NDUFAF5: variants seen among roughly 807,000 people sequenced by gnomAD.
The protein encoded by NDUFAF5 is NADH:ubiquinone oxidoreductase complex assembly factor 5, also known as arginine-hydroxylase NDUFAF5, mitochondrial.
Under a neutral mutation model 48.9 loss-of-function variants are expected in NDUFAF5, and 34 were observed. That is an observed-to-expected ratio of 0.70 (90% CI 0.53 to 0.93). The LOEUF is 0.93. Ranked by LOEUF, NDUFAF5 falls within the 40% of genes least tolerant of loss-of-function variation. The probability of loss-of-function intolerance (pLI) is 0.00; values close to 1 mark genes in which losing one functional copy is unlikely to be tolerated. For synonymous variants in NDUFAF5, 153 were observed against 150.6 expected (o/e 1.02, Z -0.12); for missense variants, 428 against 427.5 (o/e 1.00, Z -0.01).
chr20:13,805,862 G>A (rs765863942), intron 7 of NDUFAF5, among the ~76,000 whole-genome samples: 2 of 152,004 alleles, frequency 1.3e-5, no homozygotes, highest in Non-Finnish European at 2.9e-5. Flanking sequence ...GGGACGTTGA[G>A]GCTGCAGTGA....
rs1480643812 is a variant in NDUFAF5 at position 13,820,179 on chromosome 20, AC to A, written c.*2971del. On this transcript the variant is annotated 3_prime_UTR_variant, in exon 11 of 11. Coordinates refer to ENST00000378106, the MANE Select transcript of NDUFAF5 (RefSeq NM_024120.5). ...TCCAAAGGTAAATATGAAAATGTAT[AC>A]CTACAAAAGAATTTTTGCTTTATAG... The A allele has an allele frequency of 6.6e-6, 1 of 152,200 alleles. No individual in the cohort carries two copies. Among genetic ancestry groups the A allele is most frequent in the African/African-American group, 2.4e-5 (1 of 41,430 alleles). 9.4% of individuals were successfully genotyped at this position (152,200 alleles called of 1,614,324 possible). A position where few individuals can be genotyped will look rare whatever the true frequency, so the allele number is the denominator to read the frequency against.
intron 3 of NDUFAF5, among the ~76,000 whole-genome samples, chr20:13,790,536 C>T (rs1218472630): frequency 1.3e-5 from 2 of 152,204 alleles, no homozygotes; most frequent in Non-Finnish European, 2.9e-5. Context: ...CCCTGCTTTA[C>T]CTTTGTCCCT....
intron 6 of NDUFAF5, among the ~76,000 whole-genome samples, chr20:13,799,637 T>TGCAGTGAGCTGAGATCAC (rs1983809968): frequency 6.6e-6 from 1 of 150,912 alleles, no homozygotes; most frequent in Non-Finnish European, 1.5e-5. Flanking sequence ...AGGCAGAGGT[T>TGCAGTGAGCTGAGATCAC]GCAGTGAGCT....
chr20:13,791,046 A>G (rs1189855253), intron 3 of NDUFAF5, among the ~76,000 whole-genome samples: 1 of 152,206 alleles, frequency 6.6e-6, no homozygotes, highest in Non-Finnish European at 1.5e-5. Context: ...TATTTATTAA[A>G]TGACTATTGC....
Position 13,794,874 on chromosome 20 carries a change from G to C in NDUFAF5, c.412G>C (p.Val138Leu). The C allele has an allele frequency of 6.2e-7, 1 of 1,613,254 alleles. No homozygotes were observed. Among genetic ancestry groups the C allele is most frequent in the Non-Finnish European group, 8.5e-7 (1 of 1,179,212 alleles). ...AGAAACAGAAATACCTACTGTCAGCGTTTTAGCTGATGAAGAATTCCTTCC... is the reference window on the plus strand; with the variant it reads ...AGAAACAGAAATACCTACTGTCAGCCTTTTAGCTGATGAAGAATTCCTTCC... ...SSETEIPTVS[V>L]LADEEFLPFK... Residue 138 changes from valine (V) to leucine (L), a missense_variant, in exon 5 of 11, where the codon GTT becomes CTT. Coordinates refer to ENST00000378106, the MANE Select transcript of NDUFAF5 (RefSeq NM_024120.5).
intron 1 of NDUFAF5, 89 bp downstream of exon 1, chr20:13,785,379 C>T (rs1249317235): frequency 7.0e-6 from 8 of 1,147,486 alleles, no homozygotes; most frequent in Non-Finnish European, 1.0e-5. Context: ...CCGAGCTCAC[C>T]CCACCTAGCC....
intron 7 of NDUFAF5, among the ~76,000 whole-genome samples, chr20:13,802,683 A>G (rs6079179): frequency 2.0e-5 from 3 of 148,948 alleles, no homozygotes; most frequent in Non-Finnish European, 1.5e-5. Flanking sequence ...AAAAAAAAAA[A>G]AAAAAAAGCA....
At position 13,818,443 on chromosome 20, in the gene NDUFAF5, GT is replaced by G. The variant is rs71188188; in HGVS notation, c.*1247del. On this transcript the variant is annotated 3_prime_UTR_variant, in exon 11 of 11. Transcript: ENST00000378106. Reference sequence around the variant, plus strand: ...AGAATTTGGCGTTTTGTTTTTTGGGGTTTTTTTTTTTTTTAGCTTAATTTTC... The same window carrying G: ...AGAATTTGGCGTTTTGTTTTTTGGGGTTTTTTTTTTTTTAGCTTAATTTTC... 0.19 allele frequency: 52,795 copies of G among 283,208 alleles called. 457 individuals are homozygous for G. Among genetic ancestry groups the G allele is most frequent in the South Asian group, 0.23 (7,547 of 32,138 alleles). The allele number at this position is 283,208 out of a possible 1,614,324, so 17.5% of individuals were successfully genotyped here. A position where few individuals can be genotyped will look rare whatever the true frequency, so the allele number is the denominator to read the frequency against.
Position 13,785,226 on chromosome 20 carries a change from G to C in NDUFAF5, c.158G>C (p.Arg53Thr), listed in dbSNP as rs1600305605. The C allele has an allele frequency of 2.5e-6, 4 of 1,613,620 alleles. No individual in the cohort carries two copies. Among genetic ancestry groups the C allele is most frequent in the African/African-American group, 1.3e-5 (1 of 74,924 alleles). The change falls in exon 1 of 11, where the codon AGG becomes ACG. Residue 53 changes from arginine to threonine, a missense_variant. By Grantham distance (71) the Arg-to-Thr change is moderately conservative. Transcript: ENST00000378106. ...TLNIFDRDLK[R>T]KQKNWAARQP... is the part of the protein sequence containing the mutation. ...AATATTTTCGACCGGGATTTGAAAA[G>C]GAAACAGAAGAACTGGGCAGCCCGG...
At chr20:13,814,584 T>G (rs1031470483) in intron 8 of NDUFAF5, 1 of 791,376 alleles carries the variant, frequency 1.3e-6, no homozygotes, top group African/African-American at 1.8e-5. Context: ...ATTAGGTTTA[T>G]TTTTGATAAG....
At position 13,817,979 on chromosome 20, in the gene NDUFAF5, T is replaced by C. The variant is rs1482971056; in HGVS notation, c.*769T>C. 2.2e-6 allele frequency: 1 copy of C among 454,056 alleles called. No individual in the cohort carries two copies. Among genetic ancestry groups the C allele is most frequent in the Non-Finnish European group, 4.4e-6 (1 of 226,800 alleles). 28.1% of individuals were successfully genotyped at this position (454,056 alleles called of 1,614,324 possible). ...AACATAGAGGAAGCAGGGAGAAGGC[T>C]GAGAAGCAAGCAGGAGTGAGCGCTA... On this transcript the variant is annotated 3_prime_UTR_variant, in exon 11 of 11. Transcript: ENST00000378106.
At chr20:13,808,588 G>T (rs891512877) in intron 7 of NDUFAF5, among the ~76,000 whole-genome samples, 1 of 152,158 alleles carries the variant, frequency 6.6e-6, no homozygotes, top group African/African-American at 2.4e-5. Flanking sequence ...CTCTTATTCT[G>T]TGTGGTTCCC....
rs1418611191 is a variant in NDUFAF5, at chr20:13,788,600, T to C, written c.275T>C (p.Leu92Pro). ...GTCTTTTTTTTTAGAAATTTCCCCC[T>C]TGCTTTGGATCTTGGTTGTGGAAGA... ...RVYDIPRNFP[L>P]ALDLGCGRGY... The change falls in exon 3 of 11, where the codon CTT (leucine) becomes CCT (proline). Residue 92 changes from leucine (L) to proline (P), a missense_variant. Coordinates refer to ENST00000378106, the MANE Select transcript of NDUFAF5 (RefSeq NM_024120.5). The C allele has an allele frequency of 1.2e-6, 2 of 1,611,662 alleles. No individual in the cohort carries two copies. The highest frequency in any genetic ancestry group is 1.7e-6 in the Non-Finnish European group (2 of 1,177,862).
At position 13,812,028 on chromosome 20, in the gene NDUFAF5, A is replaced by G. The variant is rs117075701; in HGVS notation, c.778+3126A>G. On this transcript the variant is annotated intron_variant, in intron 8 of 10. Coordinates refer to ENST00000378106, the MANE Select transcript of NDUFAF5 (RefSeq NM_024120.5). ...TGAGCATTGTTGTTCTTGCTTGCTT[A>G]AGTTACGAGTGAGAATAATTAGGGC... Among the ~76,000 whole-genome samples the G allele has an allele frequency of 8.4e-3, 1,286 of 152,324 alleles. 10 individuals are homozygous for G. The highest frequency in any genetic ancestry group is 0.014 in the Non-Finnish European group (926 of 68,034).
chr20:13,794,642 G>C (rs755386247), intron 4 of NDUFAF5, among the ~76,000 whole-genome samples, 196 bp from the exon 5 acceptor site: 4 of 152,170 alleles, frequency 2.6e-5, no homozygotes, highest in Admixed American at 6.5e-5. Context: ...GTTTCAACTA[G>C]TTAGCCATTT....
intron 3 of NDUFAF5, 31 bp from the exon 4 acceptor site, chr20:13,793,149 G>C: frequency 1.2e-6 from 2 of 1,613,274 alleles, no homozygotes; most frequent in Non-Finnish European, 1.7e-6. Flanking sequence ...GACTGGATTT[G>C]TTTGTTTCAG....
intron 3 of NDUFAF5, 162 bp from the exon 4 acceptor site, chr20:13,793,018 A>G (rs1219924287): frequency 5.5e-6 from 4 of 726,548 alleles, no homozygotes; most frequent in East Asian, 2.7e-5. Flanking sequence ...ATAGCAAAGG[A>G]TATGTGTTAT....
intron 3 of NDUFAF5, among the ~76,000 whole-genome samples, chr20:13,789,333 T>C (rs550055913): frequency 3.3e-5 from 5 of 151,986 alleles, no homozygotes; most frequent in African/African-American, 1.2e-4. Flanking sequence ...CCCTGCTAAT[T>C]TTTGTATTTT....
intron 7 of NDUFAF5, among the ~76,000 whole-genome samples, chr20:13,807,759 C>T (rs1001409336): frequency 1.3e-5 from 2 of 150,754 alleles, no homozygotes; most frequent in African/African-American, 4.9e-5. Context: ...CTGGCTAACA[C>T]GGTGAAAGCC....
Sources: gnomAD v4.1 joint callset for allele counts (sites outside exome capture counted in the v4.1 genomes callset) on GRCh38, gnomAD v4.1.1 for gene constraint, MANE v1.5 for transcripts, NCBI Gene and HGNC (gene_info 2026-07-23, HGNC 2026-07-21) for gene names.